The following P3H2 variants were observed in gnomAD, a reference collection of about 807,000 sequenced individuals.
P3H2 encodes leprecan-like 1.
Under a neutral mutation model 87.0 loss-of-function variants are expected in P3H2, and 80 were observed. The observed-to-expected ratio is 0.92, with a 90% CI of 0.77 to 1.11. The LOEUF is 1.11. Ranked by LOEUF, P3H2 falls within the 50% of genes least tolerant of loss-of-function variation. The pLI is 0.00. For synonymous variants in P3H2, 367 were observed against 359.3 expected (o/e 1.02, Z -0.24); for missense variants, 1,001 against 923.9 (o/e 1.08, Z -1.08).
At chr3:190,046,995 A>C (rs1725827083) in intron 1 of P3H2, among the ~76,000 whole-genome samples, 1 of 151,758 alleles carries the variant, frequency 6.6e-6, no homozygotes. Flanking sequence ...TTATCTAATG[A>C]GGAATTAATA....
chr3:190,083,113 A>G (rs1006001004), intron 1 of P3H2, among the ~76,000 whole-genome samples: 1 of 152,224 alleles, frequency 6.6e-6, no homozygotes, highest in Non-Finnish European at 1.5e-5. Flanking sequence ...TTCTCTTATG[A>G]TAAAATTAAT....
intron 1 of P3H2, among the ~76,000 whole-genome samples, chr3:190,119,301 C>T (rs1191096854): frequency 6.6e-6 from 1 of 151,884 alleles, no homozygotes; most frequent in Non-Finnish European, 1.5e-5. Flanking sequence ...AAAGCTTCCA[C>T]TTTTCCGGTA....
chr3:190,005,827 G>A (rs1434821095), intron 1 of P3H2, among the ~76,000 whole-genome samples: 3 of 152,208 alleles, frequency 2.0e-5, no homozygotes, highest in Non-Finnish European at 4.4e-5. Context: ...TAAGGTCTCT[G>A]CAGGTATGTC....
chr3:190,011,684 T>A (rs982203195), intron 1 of P3H2, among the ~76,000 whole-genome samples: 7 of 152,340 alleles, frequency 4.6e-5, no homozygotes, highest in African/African-American at 1.2e-4. Flanking sequence ...AGACTCCAGA[T>A]AAACTATGGT....
chr3:189,961,382 ACATCCTTG>A (rs1722805819), intron 14 of P3H2, among the ~76,000 whole-genome samples: 1 of 152,248 alleles, frequency 6.6e-6, no homozygotes, highest in South Asian at 2.1e-4. Flanking sequence ...GAAGCTTCGA[ACATCCTTG>A]CATCCTTAAA....
intron 1 of P3H2, among the ~76,000 whole-genome samples, chr3:190,012,420 A>G (rs190622966): frequency 7.9e-5 from 12 of 152,282 alleles, no homozygotes; most frequent in African/African-American, 2.9e-4. Flanking sequence ...CCACTGGTCT[A>G]AGGATAAAGT....
intron 1 of P3H2, among the ~76,000 whole-genome samples, chr3:190,099,115 T>A (rs1315259462): frequency 1.3e-5 from 2 of 152,038 alleles, no homozygotes; most frequent in African/African-American, 4.8e-5. Context: ...GATCTAAAAG[T>A]AATTTAACTA....
At position 190,054,367 on chromosome 3, in the gene P3H2, C is replaced by T. The variant is rs116611835; in HGVS notation, c.481-58925G>A. Among the ~76,000 whole-genome samples the T allele has an allele frequency of 3.1e-3, 470 of 152,058 alleles. 5 individuals carry two copies. The highest frequency in any genetic ancestry group is 0.011 in the African/African-American group (440 of 41,462). On this transcript the variant is annotated intron_variant, in intron 1 of 14. Transcript: ENST00000319332. ...GCCATCAGCCACGACACAGACTGAT[C>T]TGAGAGCCGACGTCAGTAGTGACAT...
At position 189,973,507 on chromosome 3, in the gene P3H2, C is replaced by CT. The variant is rs879286759; in HGVS notation, c.1548+401dup. ...TCAAAACTTTTTTCTTTCTTTCTTTCTTTCTTTTTTTTTTTTTTTTTTTTT... is the reference window on the plus strand; with the variant it reads ...TCAAAACTTTTTTCTTTCTTTCTTTCTTTTCTTTTTTTTTTTTTTTTTTTTT... On this transcript the variant is annotated intron_variant, in intron 10 of 14. Transcript: ENST00000319332. Among the ~76,000 whole-genome samples, 228 of 78,894 alleles carry CT rather than the reference C, an allele frequency of 2.9e-3. 9 individuals carry two copies. The highest frequency in any genetic ancestry group is 0.01 in the African/African-American group (213 of 21,238). The allele number at this position is 78,894 out of a possible 152,430, so 51.8% of individuals were successfully genotyped here.
chr3:190,028,079 C>T (rs998827087), intron 1 of P3H2, among the ~76,000 whole-genome samples: 4 of 152,028 alleles, frequency 2.6e-5, no homozygotes, highest in African/African-American at 9.7e-5. Context: ...TTTTCTATTC[C>T]TGTCAATAAG....
intron 10 of P3H2, 152 bp downstream of exon 10, chr3:189,973,757 C>T: frequency 1.4e-6 from 1 of 728,416 alleles, no homozygotes; most frequent in East Asian, 2.6e-5. Flanking sequence ...ATCTCCTGAC[C>T]TCGTGATCTG....
intron 5 of P3H2, among the ~76,000 whole-genome samples, chr3:189,987,307 T>C (rs1027900613): frequency 1.3e-5 from 2 of 151,012 alleles, no homozygotes; most frequent in African/African-American, 4.9e-5. Context: ...AAACCCCGTC[T>C]CTACTAAAAA....
chr3:190,064,329 A>G (rs1726430913), intron 1 of P3H2, among the ~76,000 whole-genome samples: 1 of 151,952 alleles, frequency 6.6e-6, no homozygotes, highest in Non-Finnish European at 1.5e-5. Context: ...AATATTCTTA[A>G]TAACTAAATT....
At chr3:190,094,447 C>T (rs77889151) in intron 1 of P3H2, among the ~76,000 whole-genome samples, 4,076 of 152,308 alleles carry the variant, frequency 0.027, 78 homozygotes, top group African/African-American at 0.043. Context: ...CCATTCTAGA[C>T]AGACTTGTTC....
intron 8 of P3H2, among the ~76,000 whole-genome samples, chr3:189,978,064 A>G (rs1233437116): frequency 1.3e-5 from 2 of 152,200 alleles, no homozygotes; most frequent in Non-Finnish European, 2.9e-5. Flanking sequence ...TTCCATTCCA[A>G]TTTAGAAGTA....
intron 1 of P3H2, among the ~76,000 whole-genome samples, chr3:190,091,981 C>T (rs952462713): frequency 5.9e-5 from 9 of 152,106 alleles, no homozygotes; most frequent in Admixed American, 6.5e-5. Flanking sequence ...GCCTATAATC[C>T]CAGCACTTTG....
chr3:189,985,448 C>T (rs1426943751), intron 6 of P3H2, among the ~76,000 whole-genome samples: 2 of 151,582 alleles, frequency 1.3e-5, no homozygotes, highest in East Asian at 3.9e-4. Flanking sequence ...TACTTTTATG[C>T]ATTACTAGGA....
At chr3:190,080,477 C>G (rs1486583243) in intron 1 of P3H2, among the ~76,000 whole-genome samples, 1 of 151,910 alleles carries the variant, frequency 6.6e-6, no homozygotes, top group South Asian at 2.1e-4. Flanking sequence ...CTTGGCTCAC[C>G]GCAACCTCTG....
At chr3:190,014,564 T>C (rs755305552) in intron 1 of P3H2, among the ~76,000 whole-genome samples, 1 of 152,178 alleles carries the variant, frequency 6.6e-6, no homozygotes, top group Non-Finnish European at 1.5e-5. Flanking sequence ...GACTGACGAC[T>C]GGAGAGAAAT....
Sources: gnomAD v4.1 joint callset for allele counts (sites outside exome capture counted in the v4.1 genomes callset) on GRCh38, gnomAD v4.1.1 for gene constraint, MANE v1.5 for transcripts, NCBI Gene and HGNC (gene_info 2026-07-23, HGNC 2026-07-21) for gene names.